DCDC1: variants seen among roughly 807,000 people sequenced by gnomAD.
DCDC1 encodes the protein doublecortin domain-containing protein 1.
In DCDC1, 200 loss-of-function variants were observed where a neutral mutation model predicts 178.3. The observed-to-expected ratio is 1.12, with a 90% CI of 1.00 to 1.26. DCDC1 has a LOEUF of 1.26. DCDC1 is among the 50% of genes most tolerant of loss of function. The pLI, the probability that DCDC1 is intolerant of heterozygous loss-of-function variation, is 0.00. For missense variants in DCDC1, 1,983 were observed against 1,749.2 expected, an observed-to-expected ratio of 1.13 and a Z score of -2.38; for synonymous variants, 690 against 604.8, an observed-to-expected ratio of 1.14 and a Z score of -2.07.
chr11:31,200,116 T>C (rs935963103), intron 9 of DCDC1, among the ~76,000 whole-genome samples: 4 of 152,080 alleles, frequency 2.6e-5, no homozygotes, highest in Non-Finnish European at 5.9e-5. Flanking sequence ...GCCATCTCTC[T>C]AATAATTTAT....
chr11:30,916,963 T>C lies in DCDC1; in HGVS notation c.3359A>G (p.Gln1120Arg). 1 of 1,611,460 alleles carries C rather than the reference T, an allele frequency of 6.2e-7. No homozygotes were observed. The highest frequency in any genetic ancestry group is 1.3e-5 in the African/African-American group (1 of 75,020). ...ACHTLPRYAW[Q>R]ETSHDFDEDD... is the part of the protein sequence containing the mutation. ...CTCATCAAAGTCATGTGAAGTTTCCTGCCAGGCATACCTGGGAAGTGTGTG... is the reference window on the plus strand; with the variant it reads ...CTCATCAAAGTCATGTGAAGTTTCCCGCCAGGCATACCTGGGAAGTGTGTG... Residue 1120 changes from glutamine to arginine, a missense_variant, in exon 26 of 39, where the codon CAG becomes CGG. By Grantham distance (43) the Gln-to-Arg change is conservative. Coordinates refer to ENST00000684477, the MANE Select transcript of DCDC1 (RefSeq NM_001387274.1).
intron 20 of DCDC1, among the ~76,000 whole-genome samples, chr11:31,016,615 G>A (rs945111111): frequency 1.3e-5 from 2 of 152,274 alleles, no homozygotes; most frequent in Admixed American, 6.5e-5. Context: ...TTAATGAAGA[G>A]TAGAGGAATG....
At chr11:31,311,768 T>C (rs1456888444) in intron 3 of DCDC1, among the ~76,000 whole-genome samples, 2 of 152,164 alleles carry the variant, frequency 1.3e-5, no homozygotes. Flanking sequence ...AATACAGGAA[T>C]TTATTACTCC....
intron 20 of DCDC1, among the ~76,000 whole-genome samples, chr11:31,002,084 A>T (rs1439484749): frequency 1.3e-5 from 2 of 152,234 alleles, no homozygotes. Flanking sequence ...TAGCTGGAAA[A>T]TTAGTTTCCC....
At chr11:31,214,324 G>T (rs964220501) in intron 9 of DCDC1, among the ~76,000 whole-genome samples, 5 of 151,994 alleles carry the variant, frequency 3.3e-5, no homozygotes, top group South Asian at 2.1e-4. Context: ...AGTTGATAAG[G>T]TATAAAATTA....
At chr11:31,328,718 G>A (rs983602081) in intron 2 of DCDC1, among the ~76,000 whole-genome samples, 2 of 151,612 alleles carry the variant, frequency 1.3e-5, no homozygotes, top group Non-Finnish European at 2.9e-5. Flanking sequence ...GGCTGAGGCA[G>A]GAGAATGGCA....
intron 7 of DCDC1, chr11:31,281,116 C>T (rs1946394341): frequency 2.8e-6 from 1 of 361,096 alleles, no homozygotes; most frequent in Non-Finnish European, 5.3e-6. Flanking sequence ...TGCAAACTTG[C>T]TGAATGTATT....
At chr11:30,907,510 C>T (rs1945148021) in intron 29 of DCDC1, among the ~76,000 whole-genome samples, 1 of 152,176 alleles carries the variant, frequency 6.6e-6, no homozygotes, top group South Asian at 2.1e-4. Flanking sequence ...GTGATGCAAG[C>T]AGATGCATAA....
intron 9 of DCDC1, among the ~76,000 whole-genome samples, chr11:31,153,625 A>G (rs1429886209): frequency 6.6e-6 from 1 of 152,054 alleles, no homozygotes; most frequent in Non-Finnish European, 1.5e-5. Flanking sequence ...TCTCCTAAAA[A>G]TACAAAAATC....
intron 3 of DCDC1, among the ~76,000 whole-genome samples, chr11:31,313,155 T>C (rs930588399): frequency 6.6e-6 from 1 of 152,206 alleles, no homozygotes; most frequent in Non-Finnish European, 1.5e-5. Context: ...ATGCTCTTTT[T>C]CACTTGTTGT....
chr11:31,356,879 T>C (rs1485174740), intron 1 of DCDC1, among the ~76,000 whole-genome samples: 3 of 152,050 alleles, frequency 2.0e-5, no homozygotes, highest in African/African-American at 7.3e-5. Context: ...CTCCCAAGAC[T>C]AAACCAGGAA....
intron 18 of DCDC1, among the ~76,000 whole-genome samples, chr11:31,072,435 C>G (rs1956624129): frequency 6.6e-6 from 1 of 152,034 alleles, no homozygotes; most frequent in African/African-American, 2.4e-5. Context: ...GGAGTTTTTA[C>G]ATTTTTATAT....
intron 6 of DCDC1, among the ~76,000 whole-genome samples, chr11:31,291,342 TCTC>T (rs768237020): frequency 8.6e-5 from 13 of 152,002 alleles, no homozygotes; most frequent in Non-Finnish European, 1.0e-4. Context: ...CTGTAATTCT[TCTC>T]CTGTGACTAG....
At chr11:31,360,873 C>T (rs1951676267) in intron 1 of DCDC1, among the ~76,000 whole-genome samples, 1 of 152,128 alleles carries the variant, frequency 6.6e-6, no homozygotes. Context: ...GTTGGACCTA[C>T]TCTATAGATA....
At chr11:31,238,321 A>G (rs1976695609) in intron 9 of DCDC1, among the ~76,000 whole-genome samples, 1 of 152,050 alleles carries the variant, frequency 6.6e-6, no homozygotes, top group South Asian at 2.1e-4. Flanking sequence ...AGACTGCCAT[A>G]TTTTGTTTAC....
At chr11:31,097,905 G>A (rs899737543) in intron 15 of DCDC1, among the ~76,000 whole-genome samples, 2 of 152,110 alleles carry the variant, frequency 1.3e-5, no homozygotes, top group African/African-American at 4.8e-5. Context: ...GAATAATACA[G>A]TACTTCAGTA....
At chr11:31,100,931 C>T (rs1346383854) in intron 15 of DCDC1, among the ~76,000 whole-genome samples, 1 of 152,128 alleles carries the variant, frequency 6.6e-6, no homozygotes, top group Non-Finnish European at 1.5e-5. Flanking sequence ...TTAATAAGTA[C>T]ATCATTCTAG....
At chr11:30,961,356 T>C (rs888682306) in intron 20 of DCDC1, among the ~76,000 whole-genome samples, 3 of 152,048 alleles carry the variant, frequency 2.0e-5, no homozygotes, top group Non-Finnish European at 4.4e-5. Context: ...ATGAACATAG[T>C]AATAAAATTA....
intron 9 of DCDC1, among the ~76,000 whole-genome samples, chr11:31,217,743 TACA>T (rs1367552535): frequency 2.6e-5 from 4 of 152,186 alleles, no homozygotes; most frequent in African/African-American, 4.8e-5. Context: ...TTATAAATGA[TACA>T]ACATTTAATC....
Sources: gnomAD v4.1 joint callset for allele counts (sites outside exome capture counted in the v4.1 genomes callset) on GRCh38, gnomAD v4.1.1 for gene constraint, MANE v1.5 for transcripts, NCBI Gene and HGNC (gene_info 2026-07-23, HGNC 2026-07-21) for gene names.